Variants in LRFN2 observed in about 807,000 individuals in gnomAD.
The protein encoded by LRFN2 is leucine-rich repeat and fibronectin type-III domain-containing protein 2.
In LRFN2, 18 loss-of-function variants were observed where a neutral mutation model predicts 37.3. The ratio of observed to expected loss-of-function variants is 0.48; its 90% CI spans 0.33 to 0.72. LRFN2 has a LOEUF of 0.72. Ranked by LOEUF, LRFN2 falls within the 30% of genes least tolerant of loss-of-function variation. The probability of loss-of-function intolerance (pLI) is 0.02; values close to 1 mark genes in which losing one functional copy is unlikely to be tolerated. For missense variants in LRFN2, 1,006 were observed against 1,060.7 expected (o/e 0.95, Z 0.72); for synonymous variants, 556 against 466.6 (o/e 1.19, Z -2.47).
At chr6:40,473,877 A>C (rs981341952) in intron 1 of LRFN2, among the ~76,000 whole-genome samples, 1 of 152,126 alleles carries the variant, frequency 6.6e-6, no homozygotes, top group African/African-American at 2.4e-5. Context: ...TAGTTACATC[A>C]CCTACCCAGG....
At chr6:40,515,892 C>CAAAAAAA (rs71543993) in intron 1 of LRFN2, among the ~76,000 whole-genome samples, 1 of 91,786 alleles carries the variant, frequency 1.1e-5, no homozygotes. Context: ...GACTCCATAT[C>CAAAAAAA]AAAAAAAAAA....
Position 40,395,998 on chromosome 6 carries a change from G to A in LRFN2, c.1401-3086C>T, listed in dbSNP as rs147383486. On this transcript the variant is annotated intron_variant, in intron 2 of 2. Transcript: ENST00000338305. The stretch of plus-strand genomic sequence containing the variant: ...CCAGGTCACCAAAGATGTACCACGA[G>A]CCCAGAAATCTTCTCAATATTTAGC... Among the ~76,000 whole-genome samples the A allele has an allele frequency of 2.0e-5, 3 of 152,214 alleles. No individual in the cohort carries two copies. The East Asian group carries it at 5.8e-4, about 29-fold the overall frequency.
chr6:40,479,747 G>T (rs550388820), intron 1 of LRFN2, among the ~76,000 whole-genome samples: 27 of 152,278 alleles, frequency 1.8e-4, no homozygotes, highest in Middle Eastern at 3.4e-3. Context: ...CTCCCCTGTC[G>T]TCACCACAGA....
chr6:40,560,121 C>G (rs1482905578), intron 1 of LRFN2, among the ~76,000 whole-genome samples: 2 of 152,184 alleles, frequency 1.3e-5, no homozygotes, highest in African/African-American at 4.8e-5. Context: ...ATTTCTATGG[C>G]CTTAATGTCT....
chr6:40,571,127 G>A (rs1767179432), intron 1 of LRFN2, among the ~76,000 whole-genome samples: 1 of 152,216 alleles, frequency 6.6e-6, no homozygotes, highest in Admixed American at 6.5e-5. Context: ...GACCATCATG[G>A]TGCATTATAA....
chr6:40,508,115 T>A (rs1056280491), intron 1 of LRFN2, among the ~76,000 whole-genome samples: 2 of 152,204 alleles, frequency 1.3e-5, no homozygotes, highest in Non-Finnish European at 2.9e-5. Context: ...CACCTTGGGC[T>A]AGTTACCTCC....
intron 1 of LRFN2, among the ~76,000 whole-genome samples, chr6:40,493,323 T>G (rs978977740): frequency 3.9e-5 from 6 of 152,196 alleles, no homozygotes; most frequent in Admixed American, 3.3e-4. Flanking sequence ...ACTTGAACCC[T>G]GACTCATTTG....
chr6:40,416,343 C>G (rs1763091866), intron 2 of LRFN2, among the ~76,000 whole-genome samples: 1 of 133,534 alleles, frequency 7.5e-6, no homozygotes, highest in African/African-American at 2.8e-5. Flanking sequence ...TGGCACCCAA[C>G]AGTGGTGGGG....
At chr6:40,435,084 G>GAGAC (rs1554134665) in intron 1 of LRFN2, among the ~76,000 whole-genome samples, 7 of 131,644 alleles carry the variant, frequency 5.3e-5, no homozygotes, top group East Asian at 4.6e-4. Flanking sequence ...GAGAGAGAGA[G>GAGAC]AGAGAGACAG....
chr6:40,396,167 A>G (rs1446137450), intron 2 of LRFN2, among the ~76,000 whole-genome samples: 1 of 152,212 alleles, frequency 6.6e-6, no homozygotes, highest in Non-Finnish European at 1.5e-5. Context: ...AGACTCTTTT[A>G]ATACTCCCTA....
intron 1 of LRFN2, among the ~76,000 whole-genome samples, chr6:40,527,162 G>T (rs1766270037): frequency 6.6e-6 from 1 of 152,208 alleles, no homozygotes; most frequent in African/African-American, 2.4e-5. Flanking sequence ...AATGGAAATT[G>T]ATCTTCTTTG....
intron 1 of LRFN2, among the ~76,000 whole-genome samples, chr6:40,435,014 CATATATATATATATATATATATATAT>C (rs368583078): frequency 6.3e-5 from 3 of 47,996 alleles, no homozygotes; most frequent in East Asian, 6.5e-4. Context: ...AATGGTTTTA[CATATATATATATATATATATATATAT>C]ATATATATAT....
chr6:40,548,437 T>C (rs565763881), intron 1 of LRFN2, among the ~76,000 whole-genome samples: 13 of 140,244 alleles, frequency 9.3e-5, no homozygotes, highest in African/African-American at 3.3e-4. Context: ...CGAGACTCCA[T>C]CTCAAAAAAA....
At chr6:40,536,270 G>A (rs1766447576) in intron 1 of LRFN2, among the ~76,000 whole-genome samples, 2 of 151,984 alleles carry the variant, frequency 1.3e-5, no homozygotes, top group South Asian at 4.1e-4. Flanking sequence ...CTGCCTCAGG[G>A]AGCCCCACTC....
rs775630913 is a variant in LRFN2 at position 40,432,736 on chromosome 6, C to A, written c.378G>T (p.Leu126=). Residue 126 remains leucine (L), a synonymous_variant, in exon 2 of 3, where the codon CTG becomes CTT. Transcript: ENST00000338305. The part of the protein sequence containing the change: ...GEDTLRGLVN[L]QHLIVNNNQL... ...GGTTGTTGTTCACGATAAGGTGCTG[C>A]AGGTTGACCAGGCCCCGGAGGGTGT... 1 of 1,614,050 alleles carries A rather than the reference C, an allele frequency of 6.2e-7. No individual in the cohort carries two copies. The highest frequency in any genetic ancestry group is 1.7e-5 in the Admixed American group (1 of 60,012).
At chr6:40,394,737 G>A (rs1168089938) in intron 2 of LRFN2, among the ~76,000 whole-genome samples, 1 of 152,102 alleles carries the variant, frequency 6.6e-6, no homozygotes, top group Non-Finnish European at 1.5e-5. Flanking sequence ...GGACCTGGTG[G>A]GAGGTAATTA....
chr6:40,529,244 A>G (rs1322650745), intron 1 of LRFN2, among the ~76,000 whole-genome samples: 1 of 152,196 alleles, frequency 6.6e-6, no homozygotes, highest in Non-Finnish European at 1.5e-5. Flanking sequence ...AAAGGACCCC[A>G]GGACCTTTGC....
At chr6:40,425,634 TG>T (rs1407869310) in intron 2 of LRFN2, among the ~76,000 whole-genome samples, 1 of 152,174 alleles carries the variant, frequency 6.6e-6, no homozygotes, top group Non-Finnish European at 1.5e-5. Flanking sequence ...CCTGACAGGC[TG>T]GGCCCTGGCA....
At chr6:40,489,060 A>G (rs1452945087) in intron 1 of LRFN2, among the ~76,000 whole-genome samples, 1 of 152,168 alleles carries the variant, frequency 6.6e-6, no homozygotes, top group Non-Finnish European at 1.5e-5. Context: ...CCTTCTACAG[A>G]TATTTACCAA....
Sources: gnomAD v4.1 joint callset for allele counts (sites outside exome capture counted in the v4.1 genomes callset) on GRCh38, gnomAD v4.1.1 for gene constraint, MANE v1.5 for transcripts, NCBI Gene and HGNC (gene_info 2026-07-23, HGNC 2026-07-21) for gene names.